QTMAN: variants seen among roughly 807,000 people sequenced by gnomAD.
QTMAN encodes the protein queuosine-tRNA mannosyltransferase.
the QTMAN span, among the ~76,000 whole-genome samples, chr2:144,115,195 A>G: frequency 6.6e-6 from 1 of 151,912 alleles, no homozygotes; most frequent in Admixed American, 6.6e-5. Context: ...CACACCACGG[A>G]ACTCCAGCCT....
At chr2:144,062,236 C>T in the QTMAN span, among the ~76,000 whole-genome samples, 1 of 152,240 alleles carries the variant, frequency 6.6e-6, no homozygotes, top group Non-Finnish European at 1.5e-5. Flanking sequence ...CCGCCTCCTG[C>T]ACCTGTTCAT....
the QTMAN span, among the ~76,000 whole-genome samples, chr2:144,083,745 C>T: frequency 3.8e-4 from 58 of 152,068 alleles, no homozygotes; most frequent in Non-Finnish European, 5.7e-4. Flanking sequence ...GCTATGGTTC[C>T]GCCACTGGTG....
At chr2:144,263,839 C>T in the QTMAN span, among the ~76,000 whole-genome samples, 1 of 151,764 alleles carries the variant, frequency 6.6e-6, no homozygotes, top group Non-Finnish European at 1.5e-5. Context: ...CTATAAGAGG[C>T]AAAAAGAGTA....
the QTMAN span, among the ~76,000 whole-genome samples, chr2:144,101,497 C>T: frequency 6.6e-6 from 1 of 152,058 alleles, no homozygotes; most frequent in African/African-American, 2.4e-5. Flanking sequence ...TTCTCATGTT[C>T]ATGTTAGGAT....
At chr2:144,083,742 T>C in the QTMAN span, among the ~76,000 whole-genome samples, 1 of 152,140 alleles carries the variant, frequency 6.6e-6, no homozygotes. Context: ...GAAGCTATGG[T>C]TCCGCCACTG....
the QTMAN span, chr2:144,146,018 A>AG: frequency 2.5e-5 from 5 of 196,516 alleles, no homozygotes; most frequent in Admixed American, 1.3e-4. Flanking sequence ...AAAAAAAAAA[A>AG]GCCGGATGGA....
the QTMAN span, among the ~76,000 whole-genome samples, chr2:144,197,799 T>C: frequency 6.6e-6 from 1 of 152,220 alleles, no homozygotes; most frequent in Non-Finnish European, 1.5e-5. Flanking sequence ...GATCATCTCC[T>C]ATACTCATCA....
chr2:144,231,137 T>G, the QTMAN span, among the ~76,000 whole-genome samples: 2 of 152,164 alleles, frequency 1.3e-5, no homozygotes. Context: ...TACTCTTTCA[T>G]GCAATACTAT....
chr2:143,977,154 C>A, the QTMAN span, among the ~76,000 whole-genome samples: 1 of 152,250 alleles, frequency 6.6e-6, no homozygotes, highest in African/African-American at 2.4e-5. Flanking sequence ...TCCAAGTCTA[C>A]TCCCGTGAAT....
the QTMAN span, among the ~76,000 whole-genome samples, chr2:144,032,681 G>A: frequency 9.9e-5 from 15 of 152,246 alleles, no homozygotes; most frequent in African/African-American, 3.4e-4. Context: ...TGGTGGTGGG[G>A]GACTTCAACC....
At chr2:144,257,907 A>AAG in the QTMAN span, among the ~76,000 whole-genome samples, 1 of 152,330 alleles carries the variant, frequency 6.6e-6, no homozygotes, top group African/African-American at 2.4e-5. Flanking sequence ...TCCAGTCTAA[A>AAG]AGAAGTGATA....
At chr2:144,043,221 GTGAATT>G in the QTMAN span, among the ~76,000 whole-genome samples, 1 of 140,550 alleles carries the variant, frequency 7.1e-6, no homozygotes, top group African/African-American at 2.9e-5. Flanking sequence ...ATGTATATGT[GTGAATT>G]TGTGTGTGTG....
the QTMAN span, among the ~76,000 whole-genome samples, chr2:144,246,496 C>T: frequency 2.4e-3 from 358 of 149,108 alleles, 1 homozygote; most frequent in Admixed American, 5.9e-3. Context: ...TGGCGTGAAC[C>T]CGGGAAGCGG....
the QTMAN span, among the ~76,000 whole-genome samples, chr2:144,018,945 G>C: frequency 6.6e-6 from 1 of 152,284 alleles, no homozygotes; most frequent in East Asian, 1.9e-4. Flanking sequence ...CCAGGTATGG[G>C]AGCAAGAGCT....
At chr2:144,292,674 T>C in the QTMAN span, among the ~76,000 whole-genome samples, 1 of 152,290 alleles carries the variant, frequency 6.6e-6, no homozygotes, top group East Asian at 1.9e-4. Flanking sequence ...TCACCAATCC[T>C]ATCTACATGC....
At chr2:144,292,983 ATTTTGAAGATATTT>A in the QTMAN span, among the ~76,000 whole-genome samples, 2 of 152,196 alleles carry the variant, frequency 1.3e-5, no homozygotes, top group African/African-American at 4.8e-5. Context: ...TACCAATAAA[ATTTTGAAGATATTT>A]TGTAAAAAAT....
the QTMAN span, chr2:143,957,462 G>A: frequency 3.7e-6 from 2 of 541,926 alleles, no homozygotes; most frequent in Non-Finnish European, 2.9e-6. Context: ...GAACTTCTTG[G>A]AGTTGTTTGC....
chr2:144,266,561 T>C, the QTMAN span, among the ~76,000 whole-genome samples: 1 of 152,242 alleles, frequency 6.6e-6, no homozygotes, highest in Non-Finnish European at 1.5e-5. Context: ...GCTGCTACTG[T>C]GATTGGTTTT....
the QTMAN span, among the ~76,000 whole-genome samples, chr2:143,962,021 G>C: frequency 6.6e-6 from 1 of 152,028 alleles, no homozygotes; most frequent in Non-Finnish European, 1.5e-5. Context: ...ATAAAAGCTG[G>C]GCCAGGATAG....
Sources: gnomAD v4.1 joint callset for allele counts (sites outside exome capture counted in the v4.1 genomes callset) on GRCh38, gnomAD v4.1.1 for gene constraint, MANE v1.5 for transcripts, NCBI Gene and HGNC (gene_info 2026-07-23, HGNC 2026-07-21) for gene names.